The following APBB1IP variants were observed in gnomAD, a reference collection of about 807,000 sequenced individuals.
APBB1IP encodes the protein amyloid beta A4 precursor protein-binding family B member 1-interacting protein.
APBB1IP carries 27 observed loss-of-function variants against 64.9 expected under a neutral mutation model. That is an observed-to-expected ratio of 0.42 (90% CI 0.31 to 0.57). APBB1IP has a LOEUF of 0.57. Ranked by LOEUF, APBB1IP falls within the 20% of genes least tolerant of loss-of-function variation. The pLI is 0.20. For synonymous variants in APBB1IP, 392 were observed against 331.0 expected (o/e 1.18, Z -2.00); for missense variants, 812 against 845.5 (o/e 0.96, Z 0.49).
rs1837075654 is a variant in APBB1IP, at chr10:26,567,679, G to A, written c.*191G>A. On this transcript the variant is annotated 3_prime_UTR_variant, in exon 15 of 15. Coordinates refer to ENST00000376236, the MANE Select transcript of APBB1IP (RefSeq NM_019043.4). Reference sequence around the variant, plus strand: ...GAATATCTGCCCAAATGTACATATCGTTCCCATGTATTTTAACCTAAATGG... The same window carrying A: ...GAATATCTGCCCAAATGTACATATCATTCCCATGTATTTTAACCTAAATGG... 7.7e-7 allele frequency: 1 copy of A among 1,297,324 alleles called. No individual in the cohort carries two copies. The highest frequency in any genetic ancestry group is 1.4e-5 in the South Asian group (1 of 71,996). 80.4% of individuals were successfully genotyped at this position (1,297,324 alleles called of 1,614,324 possible).
intron 3 of APBB1IP, 88 bp from the exon 4 acceptor site, chr10:26,496,216 G>C (rs532689072): frequency 1.0e-6 from 1 of 972,800 alleles, no homozygotes; most frequent in South Asian, 1.5e-5. Flanking sequence ...ATGTGTAAAT[G>C]ATACATGGTT....
At chr10:26,558,606 G>C (rs1333983895) in intron 11 of APBB1IP, among the ~76,000 whole-genome samples, 5 of 141,392 alleles carry the variant, frequency 3.5e-5, no homozygotes, top group African/African-American at 1.3e-4. Flanking sequence ...CATAGCAAGA[G>C]TGTTTCTTTA....
intron 4 of APBB1IP, among the ~76,000 whole-genome samples, chr10:26,498,160 A>C (rs1665098739): frequency 6.6e-6 from 1 of 152,048 alleles, no homozygotes; most frequent in South Asian, 2.1e-4. Context: ...TTGCCACATA[A>C]ATTTATTATT....
chr10:26,531,539 C>T (rs534703681), intron 8 of APBB1IP, among the ~76,000 whole-genome samples: 6 of 151,792 alleles, frequency 4.0e-5, no homozygotes, highest in Admixed American at 2.0e-4. Flanking sequence ...CGATGGCGGG[C>T]GCCTGTAGTC....
At chr10:26,441,825 C>T (rs192765945) in intron 2 of APBB1IP, among the ~76,000 whole-genome samples, 71 of 152,322 alleles carry the variant, frequency 4.7e-4, no homozygotes, top group Non-Finnish European at 7.5e-4. Context: ...TCTTCTCTGT[C>T]AACTCAGTTT....
At chr10:26,473,959 A>G (rs1588575587) in intron 2 of APBB1IP, among the ~76,000 whole-genome samples, 2 of 145,560 alleles carry the variant, frequency 1.4e-5, no homozygotes. Context: ...CCGAGATCGC[A>G]CCACTGCACT....
intron 2 of APBB1IP, among the ~76,000 whole-genome samples, chr10:26,444,990 C>T (rs570268683): frequency 1.3e-4 from 19 of 151,364 alleles, no homozygotes; most frequent in African/African-American, 2.2e-4. Flanking sequence ...CCCAGCTATT[C>T]GGGAGGCTGA....
chr10:26,516,206 C>G (rs1836324559), intron 8 of APBB1IP, among the ~76,000 whole-genome samples: 1 of 152,146 alleles, frequency 6.6e-6, no homozygotes, highest in Non-Finnish European at 1.5e-5. Flanking sequence ...AACAGAATCA[C>G]AGAAACAGTC....
chr10:26,495,625 A>G (rs975131440), intron 3 of APBB1IP, among the ~76,000 whole-genome samples: 2 of 150,564 alleles, frequency 1.3e-5, no homozygotes, highest in African/African-American at 4.9e-5. Flanking sequence ...AAAAAAAAAA[A>G]AGAATAGGAA....
At chr10:26,483,027 T>C (rs1032728795) in intron 2 of APBB1IP, among the ~76,000 whole-genome samples, 1 of 139,850 alleles carries the variant, frequency 7.2e-6, no homozygotes, top group Admixed American at 7.5e-5. Context: ...GAGGTGGAGG[T>C]TGCAGTGAGC....
At chr10:26,530,211 A>G (rs1410625353) in intron 8 of APBB1IP, among the ~76,000 whole-genome samples, 1 of 144,888 alleles carries the variant, frequency 6.9e-6, no homozygotes, top group African/African-American at 2.5e-5. Flanking sequence ...TGGTACTTAA[A>G]GCTTTTTTTT....
intron 8 of APBB1IP, among the ~76,000 whole-genome samples, chr10:26,531,700 A>G (rs905017331): frequency 1.3e-5 from 2 of 151,598 alleles, no homozygotes; most frequent in Non-Finnish European, 2.9e-5. Flanking sequence ...CACCTTTTTT[A>G]TGCATTGTAT....
chr10:26,530,646 C>T (rs906536279), intron 8 of APBB1IP, among the ~76,000 whole-genome samples: 9 of 151,382 alleles, frequency 5.9e-5, no homozygotes, highest in East Asian at 1.9e-4. Context: ...GCCGAGATCG[C>T]GCTACTGCAC....
intron 2 of APBB1IP, among the ~76,000 whole-genome samples, chr10:26,486,932 C>A (rs530496444): frequency 6.6e-6 from 1 of 152,230 alleles, no homozygotes; most frequent in East Asian, 1.9e-4. Flanking sequence ...AACCACCTCA[C>A]CCCTCATCTA....
At chr10:26,550,746 A>G in intron 11 of APBB1IP, among the ~76,000 whole-genome samples, 1 of 151,964 alleles carries the variant, frequency 6.6e-6, no homozygotes, top group East Asian at 1.9e-4. Context: ...CTTTTTGTCC[A>G]TTTAGTGAGA....
At chr10:26,546,382 T>C (rs1041324843) in intron 11 of APBB1IP, among the ~76,000 whole-genome samples, 1 of 152,210 alleles carries the variant, frequency 6.6e-6, no homozygotes, top group African/African-American at 2.4e-5. Context: ...AAGTCTGGGA[T>C]TGGGCCCAGA....
rs1276595722 is a variant in APBB1IP, at chr10:26,549,960, T to A, written c.1155+8268T>A. Among the ~76,000 whole-genome samples the A allele has an allele frequency of 2.6e-5, 4 of 152,046 alleles. No individual in the cohort carries two copies. The East Asian group carries it at 7.7e-4, about 29-fold the overall frequency. ...TTAGATTGTTTATTTGAGAGCTTTCTTTGGCTGAAAAAGTCTTTATCTCCT... is the reference window on the plus strand; with the variant it reads ...TTAGATTGTTTATTTGAGAGCTTTCATTGGCTGAAAAAGTCTTTATCTCCT... On this transcript the variant is annotated intron_variant, in intron 11 of 14. Transcript: ENST00000376236.
intron 8 of APBB1IP, among the ~76,000 whole-genome samples, chr10:26,519,216 A>G (rs1255422775): frequency 6.6e-6 from 1 of 152,152 alleles, no homozygotes; most frequent in Non-Finnish European, 1.5e-5. Flanking sequence ...ACTTGAACCC[A>G]GGAGACAGAG....
chr10:26,506,390 G>A (rs1169343514), intron 6 of APBB1IP, among the ~76,000 whole-genome samples: 1 of 152,034 alleles, frequency 6.6e-6, no homozygotes, highest in South Asian at 2.1e-4. Context: ...GAGACTACAG[G>A]TATGCACCAC....
Sources: allele counts gnomAD v4.1 joint callset (sites outside exome capture counted in the v4.1 genomes callset), GRCh38; gene constraint gnomAD v4.1.1; transcripts MANE v1.5; gene names NCBI Gene and HGNC (gene_info 2026-07-23, HGNC 2026-07-21).